Variants in DGKB observed in about 807,000 individuals in gnomAD.
DGKB encodes the protein 90 kDa diacylglycerol kinase.
In DGKB, 67 loss-of-function variants were observed where a neutral mutation model predicts 114.3. The observed-to-expected ratio is 0.59, with a 90% CI of 0.48 to 0.72. The LOEUF (loss-of-function observed/expected upper bound fraction) is 0.72. Among genes scored for constraint, DGKB ranks in the 30% least tolerant of loss-of-function variants. The probability of loss-of-function intolerance (pLI) is 0.00; values close to 1 mark genes in which losing one functional copy is unlikely to be tolerated. For missense variants in DGKB, 907 were observed against 975.2 expected (o/e 0.93, Z 0.93); for synonymous variants, 398 against 323.1 (o/e 1.23, Z -2.49).
chr7:14,508,491 G>T (rs1014615069), intron 20 of DGKB, among the ~76,000 whole-genome samples: 26 of 152,132 alleles, frequency 1.7e-4, no homozygotes, highest in African/African-American at 6.3e-4. Context: ...TGAAGGTGTT[G>T]ATTTTAGAAG....
intron 23 of DGKB, among the ~76,000 whole-genome samples, chr7:14,332,896 T>C (rs1482658422): frequency 6.6e-6 from 1 of 152,268 alleles, no homozygotes; most frequent in Non-Finnish European, 1.5e-5. Context: ...ACCTGGACAG[T>C]TGTATCCATA....
chr7:14,537,089 C>T (rs1408314680), intron 20 of DGKB, among the ~76,000 whole-genome samples: 1 of 151,924 alleles, frequency 6.6e-6, no homozygotes, highest in Non-Finnish European at 1.5e-5. Context: ...AAGAAAAATA[C>T]ACCCAAGAAT....
chr7:14,394,645 T>C (rs1821943921), intron 21 of DGKB, among the ~76,000 whole-genome samples: 1 of 145,942 alleles, frequency 6.9e-6, no homozygotes, highest in Admixed American at 7.1e-5. Flanking sequence ...CTTCCTGCTA[T>C]TCATTTCCCC....
intron 1 of DGKB, among the ~76,000 whole-genome samples, chr7:14,936,269 A>G (rs1304031202): frequency 6.6e-6 from 1 of 152,326 alleles, no homozygotes; most frequent in South Asian, 2.1e-4. Flanking sequence ...AATCACACAT[A>G]GAAGTATTGC....
At chr7:14,528,111 T>C (rs112210306) in intron 20 of DGKB, among the ~76,000 whole-genome samples, 470 of 152,244 alleles carry the variant, frequency 3.1e-3, no homozygotes, top group African/African-American at 0.011. Context: ...CAACAGTCAA[T>C]GTAAGCTCTG....
At chr7:14,339,554 G>C (rs905410977) in intron 22 of DGKB, among the ~76,000 whole-genome samples, 2 of 151,986 alleles carry the variant, frequency 1.3e-5, no homozygotes, top group East Asian at 3.9e-4. Flanking sequence ...TATATTCAGA[G>C]TGGTCACTTC....
chr7:14,721,316 C>A (rs929090186), intron 5 of DGKB, among the ~76,000 whole-genome samples: 2 of 152,184 alleles, frequency 1.3e-5, no homozygotes, highest in South Asian at 2.1e-4. Context: ...GTAAGGATCA[C>A]ATAATTTTGT....
intron 13 of DGKB, among the ~76,000 whole-genome samples, chr7:14,652,405 T>C (rs1814745926): frequency 6.6e-6 from 1 of 151,546 alleles, no homozygotes; most frequent in South Asian, 2.1e-4. Context: ...GGGGAAAGGA[T>C]TCCCTGTTTA....
intron 1 of DGKB, among the ~76,000 whole-genome samples, chr7:14,881,109 T>A (rs1210880928): frequency 6.6e-6 from 1 of 152,182 alleles, no homozygotes; most frequent in African/African-American, 2.4e-5. Context: ...TAAGAAACCA[T>A]TTCCTTACAC....
At chr7:14,947,269 T>G (rs1785936317) in intron 1 of DGKB, among the ~76,000 whole-genome samples, 2 of 151,718 alleles carry the variant, frequency 1.3e-5, no homozygotes, top group African/African-American at 4.8e-5. Context: ...AAGATTGTTT[T>G]AAGCCATTTG....
intron 23 of DGKB, among the ~76,000 whole-genome samples, chr7:14,224,177 T>C (rs147943563): frequency 6.6e-6 from 1 of 152,096 alleles, no homozygotes; most frequent in African/African-American, 2.4e-5. Flanking sequence ...TATGTTAATA[T>C]TTCTCTGAGT....
At chr7:14,972,467 A>C (rs1234238618) in intron 1 of DGKB, among the ~76,000 whole-genome samples, 1 of 152,160 alleles carries the variant, frequency 6.6e-6, no homozygotes, top group Admixed American at 6.5e-5. Flanking sequence ...GAAAAGAAAA[A>C]AATAACTTGC....
intron 21 of DGKB, among the ~76,000 whole-genome samples, chr7:14,438,875 GA>G (rs1221450222): frequency 4.0e-5 from 6 of 151,482 alleles, no homozygotes; most frequent in South Asian, 4.2e-4. Flanking sequence ...GTAATAAGGG[GA>G]AAAAATGTAG....
At chr7:14,802,060 CCTGA>C (rs1434356772) in intron 2 of DGKB, among the ~76,000 whole-genome samples, 1 of 151,786 alleles carries the variant, frequency 6.6e-6, no homozygotes, top group Non-Finnish European at 1.5e-5. Context: ...TCCAGAAGTC[CCTGA>C]CTAATATGTA....
chr7:14,927,057 T>G (rs1376028058), intron 1 of DGKB, among the ~76,000 whole-genome samples: 2 of 152,062 alleles, frequency 1.3e-5, no homozygotes, highest in Non-Finnish European at 2.9e-5. Context: ...ACTGGAATGA[T>G]GATGATGATG....
chr7:14,398,837 C>T (rs1822654144), intron 21 of DGKB, among the ~76,000 whole-genome samples: 1 of 151,554 alleles, frequency 6.6e-6, no homozygotes, highest in Non-Finnish European at 1.5e-5. Flanking sequence ...AAGATATTGA[C>T]TTGCAGAAGG....
At chr7:14,234,395 T>TTGAA (rs1158712884) in intron 23 of DGKB, among the ~76,000 whole-genome samples, 4 of 152,082 alleles carry the variant, frequency 2.6e-5, no homozygotes, top group African/African-American at 9.7e-5. Flanking sequence ...CTTAAACTAC[T>TTGAA]TGAATGTATC....
At chr7:14,260,407 G>T (rs948184955) in intron 23 of DGKB, among the ~76,000 whole-genome samples, 3 of 152,136 alleles carry the variant, frequency 2.0e-5, no homozygotes, top group Admixed American at 2.0e-4. Context: ...TTACTTTCCA[G>T]TTACTATCTT....
At chr7:14,420,080 T>A (rs1353003455) in intron 21 of DGKB, among the ~76,000 whole-genome samples, 1 of 151,990 alleles carries the variant, frequency 6.6e-6, no homozygotes, top group Non-Finnish European at 1.5e-5. Flanking sequence ...TATTTTAACT[T>A]TTTTTAGAAG....
Sources: gnomAD v4.1 joint callset for allele counts (sites outside exome capture counted in the v4.1 genomes callset) on GRCh38, gnomAD v4.1.1 for gene constraint, MANE v1.5 for transcripts, NCBI Gene and HGNC (gene_info 2026-07-23, HGNC 2026-07-21) for gene names.